Variants in KIRREL3 observed in about 807,000 individuals in gnomAD.
KIRREL3 encodes the protein kirre like nephrin family adhesion molecule 3, also known as kin of IRRE-like protein 3.
A neutral mutation model predicts 89.7 loss-of-function variants in KIRREL3; 36 were observed. The observed-to-expected ratio is 0.40, with a 90% CI of 0.31 to 0.53. The LOEUF (loss-of-function observed/expected upper bound fraction) is 0.53. KIRREL3 is among the 20% of genes least tolerant of loss of function. The probability of loss-of-function intolerance (pLI) is 0.49; values close to 1 mark genes in which losing one functional copy is unlikely to be tolerated. For synonymous variants in KIRREL3, 445 were observed against 441.4 expected, an observed-to-expected ratio of 1.01 and a Z score of -0.10; for missense variants, 864 against 1,056.6, an observed-to-expected ratio of 0.82 and a Z score of 2.53.
intron 1 of KIRREL3, among the ~76,000 whole-genome samples, chr11:126,922,709 C>A (rs1947402333): frequency 6.7e-6 from 1 of 150,318 alleles, no homozygotes; most frequent in South Asian, 2.1e-4. Context: ...GCAGCAGGAG[C>A]AGCAGCAACA....
rs935152900 is a variant in KIRREL3, at chr11:126,696,945, T to C, written c.56-134033A>G. Among the ~76,000 whole-genome samples, 1 of 152,192 alleles carries C rather than the reference T, an allele frequency of 6.6e-6. No individual in the cohort carries two copies. Among genetic ancestry groups the C allele is most frequent in the Non-Finnish European group, 1.5e-5 (1 of 68,036 alleles). On this transcript the variant is annotated intron_variant, in intron 1 of 16. Transcript: ENST00000525144. This position sits in a 1 kb window ranked among gnomAD's most constrained non-coding sequence, Gnocchi z 4.4. ...GTATTAATGGAGATGACCTAAGAGC[T>C]GCCCTGAGGATTAAGTGGTATAATG...
chr11:126,616,348 C>T (rs1478683934), intron 1 of KIRREL3, among the ~76,000 whole-genome samples: 1 of 152,176 alleles, frequency 6.6e-6, no homozygotes, highest in Non-Finnish European at 1.5e-5. Flanking sequence ...CACAGCCTGA[C>T]AAGCTGTGCG....
intron 1 of KIRREL3, among the ~76,000 whole-genome samples, chr11:126,659,707 C>G (rs1945306953): frequency 6.6e-6 from 1 of 152,222 alleles, no homozygotes; most frequent in Non-Finnish European, 1.5e-5. Flanking sequence ...AACAGCTTCT[C>G]AAAGGATGCC....
In KIRREL3 at chr11:126,990,206, G is replaced by A. The variant is rs1041120146; in HGVS notation, c.55+10249C>T. Among the ~76,000 whole-genome samples the A allele has an allele frequency of 6.6e-6, 1 of 152,132 alleles. No homozygotes were observed. The highest frequency in any genetic ancestry group is 6.5e-5 in the Admixed American group (1 of 15,284). On this transcript the variant is annotated intron_variant, in intron 1 of 16. Coordinates refer to ENST00000525144, the MANE Select transcript of KIRREL3 (RefSeq NM_032531.4). The surrounding 1 kb of genome is among the most constrained non-coding windows in gnomAD (Gnocchi z 6.3). The stretch of plus-strand genomic sequence containing the variant: ...CATCATCCCTGTGGCAGGGAAACCC[G>A]TGTGGTGGGCTGAGCTTCCTCGCTC...
At chr11:126,626,764 G>A (rs934549186) in intron 1 of KIRREL3, among the ~76,000 whole-genome samples, 3 of 152,288 alleles carry the variant, frequency 2.0e-5, no homozygotes, top group Admixed American at 1.3e-4. Context: ...AGGCCGAGGC[G>A]GGCAGATCGC....
In KIRREL3 at chr11:126,791,241, G is replaced by A. The variant is rs1178237511; in HGVS notation, c.55+209214C>T. On this transcript the variant is annotated intron_variant, in intron 1 of 16. Transcript: ENST00000525144. This position sits in a 1 kb window ranked among gnomAD's most constrained non-coding sequence, Gnocchi z 4.8. ...GAGTACATTTTGGGGGGCCTGTACA[G>A]GGAATTTAGTGGTATTTGTTGACCT... 6.6e-6 allele frequency among the ~76,000 whole-genome samples: 1 copy of A among 152,128 alleles called. No homozygotes were observed. Among genetic ancestry groups the A allele is most frequent in the Non-Finnish European group, 1.5e-5 (1 of 68,034 alleles).
rs895034889 is a variant in KIRREL3 at position 126,696,984 on chromosome 11, C to T, written c.56-134072G>A. Among the ~76,000 whole-genome samples the T allele has an allele frequency of 1.4e-4, 21 of 151,864 alleles. No homozygotes were observed. Among genetic ancestry groups the T allele is most frequent in the Admixed American group, 2.6e-4 (4 of 15,242 alleles). The stretch of plus-strand genomic sequence containing the variant: ...AGTGGTATAATGCACTTAAACATGA[C>T]AAAAAAAATGCACTAAATAAGTGTC... On this transcript the variant is annotated intron_variant, in intron 1 of 16. Coordinates refer to ENST00000525144, the MANE Select transcript of KIRREL3 (RefSeq NM_032531.4). The surrounding 1 kb of genome is among the most constrained non-coding windows in gnomAD (Gnocchi z 4.4).
chr11:126,913,491 G>T lies in KIRREL3; in HGVS notation c.55+86964C>A, dbSNP rs144568377. ...TTCTCCGACTGACTGTAAACGCAGA[G>T]TGTCTTGCCCAGCTTGCAGCTGGCA... On this transcript the variant is annotated intron_variant, in intron 1 of 16. Transcript: ENST00000525144. Among the ~76,000 whole-genome samples, 723 of 152,326 alleles carry T rather than the reference G, an allele frequency of 4.7e-3. 2 individuals are homozygous for T. The highest frequency in any genetic ancestry group is 0.016 in the African/African-American group (672 of 41,572).
intron 1 of KIRREL3, among the ~76,000 whole-genome samples, chr11:126,634,636 AAGACTT>A (rs1944189418): frequency 6.6e-6 from 1 of 152,140 alleles, no homozygotes; most frequent in African/African-American, 2.4e-5. Context: ...TTTCTCAAAA[AAGACTT>A]AAAGGGAACC....
chr11:126,852,036 T>C (rs538779627), intron 1 of KIRREL3, among the ~76,000 whole-genome samples: 34 of 144,946 alleles, frequency 2.3e-4, no homozygotes, highest in African/African-American at 4.1e-4. Context: ...ATTCAGAAGG[T>C]TGGGGCTATA....
chr11:126,502,683 G>A (rs1163884372), intron 4 of KIRREL3, among the ~76,000 whole-genome samples: 2 of 152,242 alleles, frequency 1.3e-5, no homozygotes, highest in Non-Finnish European at 2.9e-5. Flanking sequence ...GACTGGCGCA[G>A]ACTTGGAAAT....
At chr11:126,457,509 G>A (rs1956410993) in intron 6 of KIRREL3, among the ~76,000 whole-genome samples, 1 of 151,748 alleles carries the variant, frequency 6.6e-6, no homozygotes, top group African/African-American at 2.4e-5. Context: ...GTGTGTGTAT[G>A]TGTGTGTGTA....
In KIRREL3 at chr11:126,860,552, G is replaced by A. The variant is rs1944669766; in HGVS notation, c.55+139903C>T. ...TGATTGCTCTGGGTGTGGCCAGGCAGCAGGCGGCGTGGAGGCAGAGGGGCC... is the reference window on the plus strand; with the variant it reads ...TGATTGCTCTGGGTGTGGCCAGGCAACAGGCGGCGTGGAGGCAGAGGGGCC... On this transcript the variant is annotated intron_variant, in intron 1 of 16. Coordinates refer to ENST00000525144, the MANE Select transcript of KIRREL3 (RefSeq NM_032531.4). This position sits in a 1 kb window ranked among gnomAD's most constrained non-coding sequence, Gnocchi z 4.6. Among the ~76,000 whole-genome samples, 1 of 152,236 alleles carries A rather than the reference G, an allele frequency of 6.6e-6. No homozygotes were observed. The highest frequency in any genetic ancestry group is 1.5e-5 in the Non-Finnish European group (1 of 68,042).
At position 126,568,254 on chromosome 11, in the gene KIRREL3, C is replaced by T. The variant is rs1211843717; in HGVS notation, c.56-5342G>A. Among the ~76,000 whole-genome samples the T allele has an allele frequency of 6.7e-6, 1 of 150,276 alleles. No homozygotes were observed. Among genetic ancestry groups the T allele is most frequent in the African/African-American group, 2.4e-5 (1 of 41,368 alleles). On this transcript the variant is annotated intron_variant, in intron 1 of 16. Coordinates refer to ENST00000525144, the MANE Select transcript of KIRREL3 (RefSeq NM_032531.4). This position sits in a 1 kb window ranked among gnomAD's most constrained non-coding sequence, Gnocchi z 4.6. ...GCAGGGGAAAGACAGGTGAGACTTGCATTTCATAAAGGATCCCTTCAGCAC... is the reference window on the plus strand; with the variant it reads ...GCAGGGGAAAGACAGGTGAGACTTGTATTTCATAAAGGATCCCTTCAGCAC...
At chr11:126,625,102 C>T (rs1041901056) in intron 1 of KIRREL3, among the ~76,000 whole-genome samples, 1 of 152,184 alleles carries the variant, frequency 6.6e-6, no homozygotes, top group African/African-American at 2.4e-5. Context: ...GATGATAATG[C>T]AGCAAAACTA....
rs952680397 is a variant in KIRREL3, at chr11:126,703,817, G to C, written c.56-140905C>G. Among the ~76,000 whole-genome samples the C allele has an allele frequency of 2.0e-5, 3 of 152,176 alleles. No individual in the cohort carries two copies. Among genetic ancestry groups the C allele is most frequent in the African/African-American group, 7.2e-5 (3 of 41,448 alleles). ...AATGTGGTTGGATCCTTCTCTCTTG[G>C]CTCTGTCATCCTTGCCTTGGGATGT... is the stretch of plus-strand genomic sequence containing the variant. On this transcript the variant is annotated intron_variant, in intron 1 of 16. Coordinates refer to ENST00000525144, the MANE Select transcript of KIRREL3 (RefSeq NM_032531.4). The surrounding 1 kb of genome is among the most constrained non-coding windows in gnomAD (Gnocchi z 4.6).
chr11:126,862,837 A>G (rs938160750), intron 1 of KIRREL3, among the ~76,000 whole-genome samples: 6 of 152,176 alleles, frequency 3.9e-5, no homozygotes, highest in Non-Finnish European at 8.8e-5. Flanking sequence ...GACAGTGTAG[A>G]CACTCGAGGC....
chr11:126,585,180 A>G (rs1462385744), intron 1 of KIRREL3, among the ~76,000 whole-genome samples: 1 of 148,850 alleles, frequency 6.7e-6, no homozygotes, highest in Non-Finnish European at 1.5e-5. Context: ...TGGCCTTCCA[A>G]AGTGCTGGGA....
intron 1 of KIRREL3, among the ~76,000 whole-genome samples, chr11:126,980,092 C>T (rs972082026): frequency 6.6e-6 from 1 of 152,068 alleles, no homozygotes; most frequent in Non-Finnish European, 1.5e-5. Flanking sequence ...GAGTGGGAAA[C>T]AGGAAATCAC....
Sources: allele counts gnomAD v4.1 joint callset (sites outside exome capture counted in the v4.1 genomes callset), GRCh38; gene constraint gnomAD v4.1.1; non-coding constraint Gnocchi (gnomAD v3.1); transcripts MANE v1.5; gene names NCBI Gene and HGNC (gene_info 2026-07-23, HGNC 2026-07-21).